Variants in CCDC30 observed in about 807,000 individuals in gnomAD.
The protein encoded by CCDC30 is coiled-coil domain-containing protein 30.
Under a neutral mutation model 100.2 loss-of-function variants are expected in CCDC30, and 70 were observed. That is an observed-to-expected ratio of 0.70 (90% CI 0.58 to 0.85). The LOEUF is 0.85. CCDC30 is among the 40% of genes least tolerant of loss of function. CCDC30 has a pLI of 0.00. For synonymous variants in CCDC30, 233 were observed against 269.5 expected (o/e 0.86, Z 1.33); for missense variants, 652 against 771.2 (o/e 0.85, Z 1.83).
intron 9 of CCDC30, among the ~76,000 whole-genome samples, chr1:42,583,512 C>T (rs544886708): frequency 3.3e-5 from 5 of 152,168 alleles, no homozygotes; most frequent in East Asian, 1.9e-4. Context: ...TAAAATATTA[C>T]GATCTGTTTA....
chr1:42,506,879 C>T (rs534953555), intron 6 of CCDC30, among the ~76,000 whole-genome samples: 27 of 152,166 alleles, frequency 1.8e-4, no homozygotes, highest in Non-Finnish European at 3.2e-4. Context: ...TTTACTATTA[C>T]GTGAAAATCC....
chr1:42,478,584 C>A (rs1643909434), intron 1 of CCDC30, among the ~76,000 whole-genome samples: 1 of 152,046 alleles, frequency 6.6e-6, no homozygotes, highest in Non-Finnish European at 1.5e-5. Context: ...AGGGGCGAAA[C>A]CCCATCTCTA....
intron 7 of CCDC30, among the ~76,000 whole-genome samples, chr1:42,572,143 G>T (rs1645746012): frequency 1.3e-5 from 2 of 152,154 alleles, no homozygotes; most frequent in Non-Finnish European, 2.9e-5. Context: ...GTGTCTGAAG[G>T]TTCCCATTGC....
intron 11 of CCDC30, among the ~76,000 whole-genome samples, chr1:42,614,403 T>C (rs1265593996): frequency 1.3e-5 from 2 of 151,836 alleles, no homozygotes; most frequent in African/African-American, 4.8e-5. Flanking sequence ...TGAGATATAA[T>C]TTGCGTATAA....
exon 8 of CCDC30, chr1:42,577,043 C>G (rs1275310879): frequency 1.9e-6 from 3 of 1,613,250 alleles, no homozygotes; most frequent in South Asian, 2.2e-5. Flanking sequence ...TAAAGCATGC[C>G]CAACAGAAGT....
chr1:42,591,560 A>G (rs12042079), intron 10 of CCDC30: 36,603 of 152,344 alleles, frequency 0.24, 4,828 homozygotes, highest in South Asian at 0.42. Flanking sequence ...AGATGATGTG[A>G]GAGATAGCCT....
chr1:42,531,770 A>G (rs1211582479), intron 6 of CCDC30, among the ~76,000 whole-genome samples: 1 of 152,124 alleles, frequency 6.6e-6, no homozygotes, highest in East Asian at 1.9e-4. Context: ...TATATATAAA[A>G]TCTTCTGTTG....
intron 11 of CCDC30, among the ~76,000 whole-genome samples, chr1:42,618,600 T>G (rs1452315136): frequency 2.0e-5 from 3 of 152,214 alleles, no homozygotes; most frequent in African/African-American, 7.2e-5. Flanking sequence ...AGTTATGAAG[T>G]GTACCTTTTT....
At chr1:42,528,784 A>G (rs555754352) in intron 6 of CCDC30, among the ~76,000 whole-genome samples, 1 of 152,276 alleles carries the variant, frequency 6.6e-6, no homozygotes, top group South Asian at 2.1e-4. Flanking sequence ...TGTATCGTAG[A>G]ACTTATGCTT....
At chr1:42,562,506 G>C (rs1645512310) in intron 6 of CCDC30, among the ~76,000 whole-genome samples, 1 of 152,072 alleles carries the variant, frequency 6.6e-6, no homozygotes, top group African/African-American at 2.4e-5. Context: ...AATAACCCTA[G>C]AAGAAAACCT....
chr1:42,636,530 A>C (rs565768234), intron 11 of CCDC30, among the ~76,000 whole-genome samples: 1 of 152,314 alleles, frequency 6.6e-6, no homozygotes, highest in East Asian at 1.9e-4. Flanking sequence ...AGAACGAGGA[A>C]ATTTTAAGTT....
At chr1:42,460,039 G>T (rs1643368534), upstream of CCDC30, 1 of 1,438,142 alleles carries the variant, frequency 7.0e-7, no homozygotes, top group African/African-American at 1.4e-5. Flanking sequence ...AAGGGAAAAG[G>T]CAGTGGTGTG....
chr1:42,587,939 A>G (rs1646109305), intron 9 of CCDC30, among the ~76,000 whole-genome samples: 1 of 152,188 alleles, frequency 6.6e-6, no homozygotes, highest in Admixed American at 6.5e-5. Flanking sequence ...CCAGGGAAAA[A>G]GGCTTTATTA....
intron 10 of CCDC30, among the ~76,000 whole-genome samples, chr1:42,601,865 G>A (rs1018180484): frequency 1.2e-4 from 19 of 152,172 alleles, no homozygotes; most frequent in African/African-American, 4.6e-4. Flanking sequence ...ACAAGATGGC[G>A]ATGTGTGAGG....
chr1:42,586,708 T>C (rs1354476638), intron 9 of CCDC30, among the ~76,000 whole-genome samples: 1 of 151,704 alleles, frequency 6.6e-6, no homozygotes, highest in Non-Finnish European at 1.5e-5. Context: ...GAGTATGGGG[T>C]TCCTGAATCA....
chr1:42,636,965 C>CAAA (rs1166253995), intron 11 of CCDC30, among the ~76,000 whole-genome samples: 384 of 29,498 alleles, frequency 0.013, 65 homozygotes, highest in African/African-American at 0.028. Context: ...GACTCCATCT[C>CAAA]AAAAAAAAAA....
chr1:42,515,246 G>A (rs1429347543), intron 6 of CCDC30, among the ~76,000 whole-genome samples: 12 of 150,890 alleles, frequency 8.0e-5, no homozygotes, highest in Admixed American at 7.9e-4. Flanking sequence ...ATCATCAGAA[G>A]CTAGGAAGAG....
upstream of CCDC30, among the ~76,000 whole-genome samples, chr1:42,461,731 G>C (rs1039850812): frequency 6.6e-6 from 1 of 151,928 alleles, no homozygotes; most frequent in Non-Finnish European, 1.5e-5. Context: ...ATTTTTAGTA[G>C]AGATGGGGTT....
intron 3 of CCDC30, 115 bp from the exon 4 acceptor site, chr1:42,490,043 C>T (rs1644112972): frequency 2.6e-6 from 1 of 377,500 alleles, no homozygotes; most frequent in Non-Finnish European, 4.5e-6. Flanking sequence ...TAAGCAGAAA[C>T]TCCTAGGACA....
Sources: gnomAD v4.1 joint callset for allele counts (sites outside exome capture counted in the v4.1 genomes callset) on GRCh38, gnomAD v4.1.1 for gene constraint, MANE v1.5 for transcripts, NCBI Gene and HGNC (gene_info 2026-07-23, HGNC 2026-07-21) for gene names.